GRM7: variants seen among roughly 807,000 people sequenced by gnomAD.
The protein encoded by GRM7 is metabotropic glutamate receptor 7.
A neutral mutation model predicts 84.5 loss-of-function variants in GRM7; 35 were observed. The ratio of observed to expected loss-of-function variants is 0.41; its 90% CI spans 0.32 to 0.55. GRM7 has a LOEUF of 0.55. Among genes scored for constraint, GRM7 ranks in the 20% least tolerant of loss-of-function variants. The pLI is 0.19. For synonymous variants in GRM7, 487 were observed against 455.1 expected (o/e 1.07, Z -0.89); for missense variants, 1,003 against 1,194.6 (o/e 0.84, Z 2.36).
At position 7,573,589 on chromosome 3, in the gene GRM7, T is replaced by A. The variant is rs193297257; in HGVS notation, c.1516-4833T>A. Among the ~76,000 whole-genome samples the A allele has an allele frequency of 3.3e-5, 5 of 152,198 alleles. No homozygotes were observed. In the South Asian group the frequency reaches 1.0e-3, roughly 32 times the overall value. ...TAGTTTTATTTTAAAATTCCAGTGA[T>A]TATAAGGTCTGCACATTCCTTGCGG... On this transcript the variant is annotated intron_variant, in intron 7 of 9. Coordinates refer to ENST00000357716, the MANE Select transcript of GRM7 (RefSeq NM_000844.4).
At chr3:7,686,437 G>T (rs1306789020) in intron 9 of GRM7, 3 of 1,455,768 alleles carry the variant, frequency 2.1e-6, no homozygotes, top group South Asian at 1.1e-5. Flanking sequence ...GCTTTTGACT[G>T]CTTTCCCAAA....
At chr3:7,072,007 A>G (rs1322925890) in intron 1 of GRM7, among the ~76,000 whole-genome samples, 1 of 152,156 alleles carries the variant, frequency 6.6e-6, no homozygotes, top group Admixed American at 6.6e-5. Context: ...TATTACCATG[A>G]CAATGGCAAG....
chr3:7,100,676 G>T (rs1025862123), intron 1 of GRM7, among the ~76,000 whole-genome samples: 1 of 151,724 alleles, frequency 6.6e-6, no homozygotes, highest in Non-Finnish European at 1.5e-5. Flanking sequence ...CAGATTTTAA[G>T]AGAGGAATTT....
intron 9 of GRM7, among the ~76,000 whole-genome samples, chr3:7,685,095 C>G (rs1165111014): frequency 6.6e-6 from 1 of 152,180 alleles, no homozygotes; most frequent in Non-Finnish European, 1.5e-5. Context: ...GCCAGATAAA[C>G]AAGATGCCAT....
chr3:7,142,818 C>T (rs1001831479), intron 1 of GRM7, among the ~76,000 whole-genome samples: 1 of 152,100 alleles, frequency 6.6e-6, no homozygotes, highest in Non-Finnish European at 1.5e-5. Flanking sequence ...AAAACGCATA[C>T]ACTTATTTTA....
At chr3:7,209,150 T>C (rs1172756188) in intron 2 of GRM7, among the ~76,000 whole-genome samples, 2 of 152,228 alleles carry the variant, frequency 1.3e-5, no homozygotes, top group Non-Finnish European at 2.9e-5. Context: ...ATTGAAGATC[T>C]CATATAATTT....
chr3:7,543,907 C>T (rs552704010), intron 7 of GRM7, among the ~76,000 whole-genome samples: 33 of 152,266 alleles, frequency 2.2e-4, no homozygotes, highest in Admixed American at 6.5e-4. Context: ...TGAGTCTGAG[C>T]GTACTCCCTG....
chr3:7,281,952 G>A (rs1034217828), intron 2 of GRM7, among the ~76,000 whole-genome samples: 10 of 152,124 alleles, frequency 6.6e-5, no homozygotes, highest in African/African-American at 1.9e-4. Flanking sequence ...GCGTGGCAGC[G>A]TGAGGCTGTA....
intron 8 of GRM7, among the ~76,000 whole-genome samples, chr3:7,655,736 AC>A (rs529403727): frequency 9.2e-5 from 14 of 152,034 alleles, no homozygotes; most frequent in Non-Finnish European, 1.8e-4. Context: ...CAGGAAAGAA[AC>A]CCCCTATGAT....
chr3:7,674,345 C>T (rs1027844793), intron 8 of GRM7, among the ~76,000 whole-genome samples: 1 of 152,030 alleles, frequency 6.6e-6, no homozygotes, highest in Non-Finnish European at 1.5e-5. Flanking sequence ...GCACCCACCA[C>T]CCCACCTAGC....
chr3:7,093,450 C>T (rs1397138926), intron 1 of GRM7, among the ~76,000 whole-genome samples: 6 of 151,334 alleles, frequency 4.0e-5, no homozygotes, highest in African/African-American at 1.2e-4. Flanking sequence ...GAGGCCGAAG[C>T]GGGTGGATCA....
rs568747369 is a variant in GRM7 at position 7,536,506 on chromosome 3, C to A, written c.1516-41916C>A. ...TGCCTCATAATATTTGGTATTTATG[C>A]CCTTGTGTAATCTGTTCCCCTAATA... On this transcript the variant is annotated intron_variant, in intron 7 of 9. Coordinates refer to ENST00000357716, the MANE Select transcript of GRM7 (RefSeq NM_000844.4). Among the ~76,000 whole-genome samples the A allele has an allele frequency of 1.1e-4, 16 of 152,298 alleles. No homozygotes were observed. In the South Asian group the frequency reaches 3.1e-3, roughly 30 times the overall value.
rs570659021 is a variant in GRM7 at position 7,205,914 on chromosome 3, A to C, written c.736+59246A>C. Among the ~76,000 whole-genome samples the C allele has an allele frequency of 2.6e-5, 4 of 152,332 alleles. No homozygotes were observed. In the South Asian group the frequency reaches 8.3e-4, roughly 32 times the overall value. On this transcript the variant is annotated intron_variant, in intron 2 of 9. Transcript: ENST00000357716. Reference sequence around the variant, plus strand: ...CTCAAATTAGAAATTAATAGAATTGAGCTATGTGTCTTTAAGTCATTCTTA... The same window carrying C: ...CTCAAATTAGAAATTAATAGAATTGCGCTATGTGTCTTTAAGTCATTCTTA...
chr3:7,158,749 T>C (rs1209512215), intron 2 of GRM7, among the ~76,000 whole-genome samples: 1 of 152,178 alleles, frequency 6.6e-6, no homozygotes, highest in East Asian at 1.9e-4. Flanking sequence ...GCATCTCCAG[T>C]CCATAAATCT....
At chr3:7,455,008 T>C (rs534086398) in intron 6 of GRM7, among the ~76,000 whole-genome samples, 1 of 152,154 alleles carries the variant, frequency 6.6e-6, no homozygotes, top group African/African-American at 2.4e-5. Context: ...AAGTCCAATA[T>C]AAGCTGGAGA....
chr3:7,157,817 A>T (rs1170188254), intron 2 of GRM7, among the ~76,000 whole-genome samples: 1 of 151,958 alleles, frequency 6.6e-6, no homozygotes, highest in Admixed American at 6.6e-5. Context: ...GCGGCAGAAG[A>T]CAGGCCTTGT....
intron 7 of GRM7, among the ~76,000 whole-genome samples, chr3:7,537,704 C>T (rs565777017): frequency 4.5e-4 from 69 of 152,316 alleles, no homozygotes; most frequent in African/African-American, 1.5e-3. Context: ...AGATGGAATG[C>T]ATAAGCTTAC....
At chr3:7,568,374 A>G (rs1293884115) in intron 7 of GRM7, among the ~76,000 whole-genome samples, 1 of 152,242 alleles carries the variant, frequency 6.6e-6, no homozygotes, top group South Asian at 2.1e-4. Context: ...CTTCACAATC[A>G]TGGCAAAAGG....
intron 1 of GRM7, among the ~76,000 whole-genome samples, chr3:7,005,687 A>C (rs1306396893): frequency 6.6e-6 from 1 of 152,194 alleles, no homozygotes; most frequent in Non-Finnish European, 1.5e-5. Flanking sequence ...CAAGAATCAA[A>C]ATTTTAATTT....
Sources: gnomAD v4.1 joint callset for allele counts (sites outside exome capture counted in the v4.1 genomes callset) on GRCh38, gnomAD v4.1.1 for gene constraint, MANE v1.5 for transcripts, NCBI Gene and HGNC (gene_info 2026-07-23, HGNC 2026-07-21) for gene names.